PHACTR1: variants seen among roughly 807,000 people sequenced by gnomAD.
PHACTR1 encodes RPEL repeat containing 1.
In PHACTR1, 16 loss-of-function variants were observed where a neutral mutation model predicts 69.2. The ratio of observed to expected loss-of-function variants is 0.23; its 90% CI spans 0.16 to 0.35. The LOEUF (loss-of-function observed/expected upper bound fraction) is 0.35. Among genes scored for constraint, PHACTR1 ranks in the 10% least tolerant of loss-of-function variants. The probability of loss-of-function intolerance (pLI) is 1.00; values close to 1 mark genes in which losing one functional copy is unlikely to be tolerated. For synonymous variants in PHACTR1, 312 were observed against 284.5 expected (o/e 1.10, Z -0.97); for missense variants, 510 against 734.7 (o/e 0.69, Z 3.54).
intron 4 of PHACTR1, among the ~76,000 whole-genome samples, chr6:12,863,285 C>T (rs1745852327): frequency 1.3e-5 from 2 of 152,148 alleles, no homozygotes; most frequent in Admixed American, 1.3e-4. Context: ...CCTTGAGGGC[C>T]CTCTTCCTGG....
chr6:13,239,729 C>A (rs1772543442), intron 10 of PHACTR1, among the ~76,000 whole-genome samples: 2 of 152,238 alleles, frequency 1.3e-5, no homozygotes, highest in South Asian at 4.1e-4. Flanking sequence ...TCTTACCCAG[C>A]CTCTAGCTGT....
intron 2 of PHACTR1, 24 bp from the exon 3 acceptor site, chr6:12,718,675 T>C: frequency 1.4e-6 from 1 of 716,362 alleles, no homozygotes; most frequent in Non-Finnish European, 2.3e-6. Flanking sequence ...TAAAATATTG[T>C]GGATTTTTTT....
intron 10 of PHACTR1, among the ~76,000 whole-genome samples, chr6:13,259,296 C>CCG (rs1775601266): frequency 6.6e-6 from 1 of 152,316 alleles, no homozygotes; most frequent in East Asian, 1.9e-4. Context: ...AGGCTCTCAA[C>CCG]CGTCTCACTG....
intron 4 of PHACTR1, among the ~76,000 whole-genome samples, chr6:12,951,979 C>A (rs1004035386): frequency 6.6e-6 from 1 of 152,150 alleles, no homozygotes; most frequent in East Asian, 1.9e-4. Context: ...TAACTGACAA[C>A]CCAGTGAAAA....
chr6:13,142,255 A>G (rs1327595580), intron 5 of PHACTR1, among the ~76,000 whole-genome samples: 1 of 152,188 alleles, frequency 6.6e-6, no homozygotes, highest in Non-Finnish European at 1.5e-5. Context: ...GGCATGCGCC[A>G]CCACACCTGG....
At chr6:12,840,130 G>C (rs1023268291) in intron 4 of PHACTR1, among the ~76,000 whole-genome samples, 2 of 152,110 alleles carry the variant, frequency 1.3e-5, no homozygotes, top group African/African-American at 2.4e-5. Flanking sequence ...GGAGTAATCA[G>C]GATATTTTTC....
At chr6:12,975,653 C>T (rs756611809) in intron 4 of PHACTR1, among the ~76,000 whole-genome samples, 44 of 152,168 alleles carry the variant, frequency 2.9e-4, no homozygotes, top group Non-Finnish European at 4.6e-4. Context: ...TGATCAACTG[C>T]TCACTGCAAC....
chr6:13,205,372 C>T lies in PHACTR1; in HGVS notation c.665-443C>T, dbSNP rs566356174. ...CCCACCTGTTAAAGGTTCCACCTCC[C>T]GACATCCTTACATTGACAATTATAT... is the stretch of plus-strand genomic sequence containing the variant. On this transcript the variant is annotated intron_variant, in intron 7 of 14. Transcript: ENST00000332995. Among the ~76,000 whole-genome samples the T allele has an allele frequency of 1.4e-4, 21 of 152,308 alleles. No homozygotes were observed. In the East Asian group the frequency reaches 1.5e-3, roughly 11 times the overall value.
chr6:12,988,730 T>A (rs574953899), intron 4 of PHACTR1, among the ~76,000 whole-genome samples: 1 of 152,188 alleles, frequency 6.6e-6, no homozygotes, highest in South Asian at 2.1e-4. Flanking sequence ...GCCAAGACAG[T>A]CATGTTCGAA....
At chr6:12,950,241 T>A (rs539947356) in intron 4 of PHACTR1, among the ~76,000 whole-genome samples, 3 of 152,316 alleles carry the variant, frequency 2.0e-5, no homozygotes, top group Admixed American at 6.5e-5. Flanking sequence ...TTGGGCTTCC[T>A]CATAGCATGG....
In PHACTR1 at chr6:12,958,321, T is replaced by C. The variant is rs79529370; in HGVS notation, c.251-95044T>C. 1.2e-3 allele frequency among the ~76,000 whole-genome samples: 189 copies of C among 152,052 alleles called. 2 individuals carry two copies. The East Asian group carries it at 0.034, about 27-fold the overall frequency. ...CACTGCAATGGAGACTTGCTGGGAG[T>C]CCTGGTGCCTGCTGAGGCAGGCAGC... On this transcript the variant is annotated intron_variant, in intron 4 of 14. Coordinates refer to ENST00000332995, the MANE Select transcript of PHACTR1 (RefSeq NM_030948.6).
intron 4 of PHACTR1, among the ~76,000 whole-genome samples, chr6:12,858,286 C>T (rs1363930305): frequency 1.2e-4 from 19 of 152,080 alleles, no homozygotes; most frequent in Admixed American, 1.2e-3. Context: ...ATCAGGCTTG[C>T]GGAGGCTGAC....
intron 4 of PHACTR1, among the ~76,000 whole-genome samples, chr6:12,987,583 T>C (rs1420390053): frequency 1.3e-5 from 2 of 152,052 alleles, no homozygotes; most frequent in African/African-American, 4.8e-5. Context: ...TTGGGCTTGA[T>C]TGTGTAAGCC....
intron 6 of PHACTR1, among the ~76,000 whole-genome samples, chr6:13,166,285 C>T (rs773749812): frequency 2.0e-5 from 3 of 152,138 alleles, no homozygotes; most frequent in Non-Finnish European, 2.9e-5. Flanking sequence ...TTTCTTCTAT[C>T]TCTTATCACC....
At chr6:13,192,664 T>C (rs1763765939) in intron 7 of PHACTR1, among the ~76,000 whole-genome samples, 2 of 152,218 alleles carry the variant, frequency 1.3e-5, no homozygotes, top group South Asian at 4.1e-4. Flanking sequence ...GATGTATAAA[T>C]AAACTGGGGC....
intron 4 of PHACTR1, among the ~76,000 whole-genome samples, chr6:13,000,995 GAT>G (rs1325957902): frequency 6.6e-6 from 1 of 152,178 alleles, no homozygotes; most frequent in African/African-American, 2.4e-5. Context: ...TCACTTTGAG[GAT>G]TAACCCCTCT....
At chr6:13,237,215 A>G (rs533114664) in intron 10 of PHACTR1, among the ~76,000 whole-genome samples, 1 of 152,114 alleles carries the variant, frequency 6.6e-6, no homozygotes, top group African/African-American at 2.4e-5. Flanking sequence ...TTGACAAAAC[A>G]AATTCTTAAA....
chr6:13,105,708 C>T (rs1168189786), intron 5 of PHACTR1, among the ~76,000 whole-genome samples: 1 of 152,150 alleles, frequency 6.6e-6, no homozygotes, highest in Non-Finnish European at 1.5e-5. Context: ...CAGAAGGACT[C>T]ACAGAACTCA....
intron 5 of PHACTR1, among the ~76,000 whole-genome samples, chr6:13,088,272 A>G (rs1398003949): frequency 6.6e-6 from 1 of 151,864 alleles, no homozygotes; most frequent in East Asian, 1.9e-4. Context: ...TTTTTAAAAG[A>G]TTCTATTCTT....
Sources: allele counts gnomAD v4.1 joint callset (sites outside exome capture counted in the v4.1 genomes callset), GRCh38; gene constraint gnomAD v4.1.1; transcripts MANE v1.5; gene names NCBI Gene and HGNC (gene_info 2026-07-23, HGNC 2026-07-21).